Variants in MBTPS1 observed in about 807,000 individuals in gnomAD.
MBTPS1 encodes the protein membrane-bound transcription factor site-1 protease.
In MBTPS1, 94 loss-of-function variants were observed where a neutral mutation model predicts 127.8. The ratio of observed to expected loss-of-function variants is 0.74; its 90% CI spans 0.62 to 0.87. The LOEUF is 0.87. MBTPS1 is among the 40% of genes least tolerant of loss of function. MBTPS1 has a pLI of 0.00. For synonymous variants in MBTPS1, 632 were observed against 509.4 expected (o/e 1.24, Z -3.24); for missense variants, 1,636 against 1,353.2 (o/e 1.21, Z -3.28).
Position 84,082,751 on chromosome 16 carries a change from G to T in MBTPS1, c.1287-843C>A, listed in dbSNP as rs905627470. Among the ~76,000 whole-genome samples, 3 of 152,296 alleles carry T rather than the reference G, an allele frequency of 2.0e-5. No homozygotes were observed. The East Asian group carries it at 5.8e-4, about 29-fold the overall frequency. ...AAATGGGAAATCTGACATAAGTAGAGGAGATAAAGTAGATTCTTAATGACA... is the reference window on the plus strand; with the variant it reads ...AAATGGGAAATCTGACATAAGTAGATGAGATAAAGTAGATTCTTAATGACA... On this transcript the variant is annotated intron_variant, in intron 10 of 22. Coordinates refer to ENST00000343411, the MANE Select transcript of MBTPS1 (RefSeq NM_003791.4).
chr16:84,054,430 C>G lies in MBTPS1; in HGVS notation c.*19G>C, dbSNP rs757574373. The stretch of plus-strand genomic sequence containing the variant: ...CCGTGAAGGCTCTCTCTGGCCCTCA[C>G]GGTCAGCCAGGCTGCCGGTCACACC... On this transcript the variant is annotated 3_prime_UTR_variant, in exon 23 of 23. Transcript: ENST00000343411. 13 of 1,575,422 alleles carry G rather than the reference C, an allele frequency of 8.3e-6. 3 individuals are homozygous for G. The South Asian group carries it at 1.1e-4, about 13-fold the overall frequency.
At chr16:84,090,693 G>C (rs1246361526) in intron 8 of MBTPS1, among the ~76,000 whole-genome samples, 182 bp downstream of exon 8, 1 of 152,126 alleles carries the variant, frequency 6.6e-6, no homozygotes, top group Non-Finnish European at 1.5e-5. Context: ...TGAGGTGAGT[G>C]GTGAGTACCT....
Position 84,090,888 on chromosome 16 carries a change from C to T in MBTPS1, c.1018G>A (p.Gly340Arg), listed in dbSNP as rs746296237. Residue 340 changes from glycine (G) to arginine (R), a missense_variant, in exon 8 of 23, where the codon GGA (glycine) becomes AGA (arginine). Physicochemically the swap from Gly to Arg is moderately radical, Grantham distance 125. Transcript: ENST00000343411. The stretch of plus-strand genomic sequence containing the variant: ...GGGGCTACTTACCCATAAAGAGGTC[C>T]GTCATTGCCAATAGCAGAAACCATG... Reference protein sequence around the residue: ...VIMVSAIGNDGPLYGTLNNPA... With the variant: ...VIMVSAIGNDRPLYGTLNNPA... 1.7e-5 allele frequency: 27 copies of T among 1,612,602 alleles called. No homozygotes were observed. The highest frequency in any genetic ancestry group is 2.3e-5 in the Non-Finnish European group (27 of 1,179,280).
chr16:84,090,613 A>C (rs534228943), intron 8 of MBTPS1, among the ~76,000 whole-genome samples: 1 of 152,332 alleles, frequency 6.6e-6, no homozygotes, highest in South Asian at 2.1e-4. Context: ...TAGGCCTCTA[A>C]ATTACTATTT....
At chr16:84,075,429 G>C (rs1175055566) in intron 11 of MBTPS1, 1 of 138,546 alleles carries the variant, frequency 7.2e-6, no homozygotes, top group East Asian at 1.9e-4. Flanking sequence ...AGTTTGTGTT[G>C]GGTTCACATC....
chr16:84,068,841 G>A (rs1003336306), intron 14 of MBTPS1, among the ~76,000 whole-genome samples: 4 of 152,228 alleles, frequency 2.6e-5, no homozygotes, highest in Non-Finnish European at 5.9e-5. Flanking sequence ...AACAAGCCAC[G>A]CAGGGCCACG....
At chr16:84,116,677 G>A (rs1039060398) in intron 1 of MBTPS1, 58 bp downstream of exon 1, 3 of 151,898 alleles carry the variant, frequency 2.0e-5, no homozygotes, top group African/African-American at 7.3e-5. Flanking sequence ...CTGAGCGAGC[G>A]GGCCGCCGCC....
At chr16:84,114,396 C>A (rs1177531158) in intron 1 of MBTPS1, among the ~76,000 whole-genome samples, 1 of 152,132 alleles carries the variant, frequency 6.6e-6, no homozygotes, top group Non-Finnish European at 1.5e-5. Context: ...AGTGAGAAAC[C>A]TTGGTCTGTG....
intron 9 of MBTPS1, 97 bp from the exon 10 acceptor site, chr16:84,085,231 G>C (rs986671031): frequency 8.3e-7 from 1 of 1,202,770 alleles, no homozygotes; most frequent in African/African-American, 1.5e-5. Flanking sequence ...ATATGGGTTA[G>C]TTAAAAACTG....
chr16:84,084,683 T>C (rs1008757018), intron 10 of MBTPS1, among the ~76,000 whole-genome samples: 2 of 152,244 alleles, frequency 1.3e-5, no homozygotes, highest in African/African-American at 2.4e-5. Flanking sequence ...ATCACAGTTC[T>C]AGCACATAAA....
chr16:84,069,830 G>A (rs770560750), intron 14 of MBTPS1, 36 bp downstream of exon 14: 8 of 1,576,338 alleles, frequency 5.1e-6, no homozygotes, highest in Non-Finnish European at 1.7e-6. Flanking sequence ...CACCACGGAG[G>A]CTGGGGAGGT....
Position 84,091,733 on chromosome 16 carries a change from T to C in MBTPS1, c.962A>G (p.Lys321Arg), listed in dbSNP as rs372020761. ...PDFMDHPFVD[K>R]VWELTANNVI... is the part of the protein sequence containing the mutation. ...CCCGTGTGCAGTGACTCCACAAACCTTGTCAACAAACGGATGATCCATGAA... is the reference window on the plus strand; with the variant it reads ...CCCGTGTGCAGTGACTCCACAAACCCTGTCAACAAACGGATGATCCATGAA... Residue 321 changes from lysine (K) to arginine (R), a missense_variant and splice_region_variant, in exon 7 of 23, where the codon AAG becomes AGG. Coordinates refer to ENST00000343411, the MANE Select transcript of MBTPS1 (RefSeq NM_003791.4). The C allele has an allele frequency of 7.4e-6, 12 of 1,611,052 alleles. No individual in the cohort carries two copies. The highest frequency in any genetic ancestry group is 1.0e-5 in the Non-Finnish European group (12 of 1,177,340).
intron 1 of MBTPS1, among the ~76,000 whole-genome samples, chr16:84,108,256 T>C (rs1398999026): frequency 1.3e-5 from 2 of 151,840 alleles, no homozygotes; most frequent in Non-Finnish European, 2.9e-5. Context: ...CACACAAACC[T>C]AAGGAAAAGC....
intron 3 of MBTPS1, among the ~76,000 whole-genome samples, chr16:84,096,174 A>C (rs958042021): frequency 6.6e-6 from 1 of 152,208 alleles, no homozygotes; most frequent in African/African-American, 2.4e-5. Flanking sequence ...AAGTTAAAGA[A>C]AATGACCCTA....
At chr16:84,063,278 C>T in intron 19 of MBTPS1, 27 bp downstream of exon 19, 2 of 1,594,142 alleles carry the variant, frequency 1.3e-6, no homozygotes, top group Non-Finnish European at 1.7e-6. Context: ...GTGCCGAAGT[C>T]ACAAAGTCCA....
intron 9 of MBTPS1, among the ~76,000 whole-genome samples, chr16:84,085,578 C>G (rs1341698832): frequency 2.0e-5 from 2 of 101,552 alleles, no homozygotes; most frequent in Admixed American, 2.0e-4. Context: ...CCCGCCCCCC[C>G]CCCAAAAAAA....
intron 16 of MBTPS1, among the ~76,000 whole-genome samples, chr16:84,067,430 G>A (rs896791260): frequency 7.9e-5 from 12 of 152,142 alleles, no homozygotes; most frequent in African/African-American, 2.9e-4. Flanking sequence ...TCAGCTCACT[G>A]CAGCCTTGGC....
chr16:84,061,009 T>G (rs1226167162), intron 19 of MBTPS1, 196 bp from the exon 20 acceptor site: 3 of 453,168 alleles, frequency 6.6e-6, no homozygotes, highest in East Asian at 4.0e-5. Flanking sequence ...AATTTTTTAT[T>G]TTTTGCAGAA....
Position 84,054,488 on chromosome 16 carries a change from G to C in MBTPS1, c.3120C>G (p.Leu1040=). ...TCTTTGGCGGGTGAACCTGCTGCAT[G>C]AGCTGCGGGCGCTTCACCCTGGGCT... ...RRKPRVKRPQ[L]MQQVHPPKTP... is the part of the protein sequence containing the mutation. The change falls in exon 23 of 23, where the codon CTC becomes CTG. Residue 1040 remains leucine (L), a synonymous_variant. Transcript: ENST00000343411. 2 of 1,611,688 alleles carry C rather than the reference G, an allele frequency of 1.2e-6. No homozygotes were observed. Among genetic ancestry groups the C allele is most frequent in the Admixed American group, 1.7e-5 (1 of 59,772 alleles).
Sources: allele counts gnomAD v4.1 joint callset (sites outside exome capture counted in the v4.1 genomes callset), GRCh38; gene constraint gnomAD v4.1.1; transcripts MANE v1.5; gene names NCBI Gene and HGNC (gene_info 2026-07-23, HGNC 2026-07-21).